PLB1: variants seen among roughly 807,000 people sequenced by gnomAD.
PLB1 encodes the protein phospholipase B1, membrane-associated.
In PLB1, 242 loss-of-function variants were observed where a neutral mutation model predicts 227.4. That is an observed-to-expected ratio of 1.06 (90% confidence interval 0.96 to 1.18). The LOEUF (loss-of-function observed/expected upper bound fraction) is 1.18, where lower values mean the gene tolerates loss of function less well. PLB1 is among the 50% of genes most tolerant of loss of function. PLB1 has a pLI of 0.00. For missense variants in PLB1, 1,858 were observed against 1,816.3 expected (o/e 1.02, Z -0.42); for synonymous variants, 757 against 682.2 (o/e 1.11, Z -1.71).
At chr2:28,603,645 C>G (rs1189930169) in intron 39 of PLB1, among the ~76,000 whole-genome samples, 5 of 152,228 alleles carry the variant, frequency 3.3e-5, no homozygotes, top group African/African-American at 2.4e-5. Flanking sequence ...TTTAATTAAA[C>G]ACTAAATTTT....
At chr2:28,546,563 T>C (rs2148215947) in intron 14 of PLB1, among the ~76,000 whole-genome samples, 1 of 152,188 alleles carries the variant, frequency 6.6e-6, no homozygotes, top group Middle Eastern at 3.4e-3. Context: ...CATGTGCATT[T>C]ATGGGACCCA....
Position 28,604,674 on chromosome 2 carries a change from TG to T in PLB1, c.2880del (p.Ser961GlnfsTer72). On this transcript the variant is annotated frameshift_variant, in exon 41 of 58. Transcript: ENST00000327757. LOFTEE classifies it high-confidence loss of function. The stretch of plus-strand genomic sequence containing the variant: ...CCCCAGAGCAGCATGCGCGAGCTGG[TG>T]GGGTCAGGCCGCTATGACACGCAGG... ...RAYRSSMRELVGSGRYDTQED... is the reference protein window; with the variant it reads ...RAYRSSMRELXGSGRYDTQED... 1 of 1,614,064 alleles carries T rather than the reference TG, an allele frequency of 6.2e-7. No homozygotes were observed. The highest frequency in any genetic ancestry group is 8.5e-7 in the Non-Finnish European group (1 of 1,179,978).
chr2:28,583,909 G>A (rs1680480020), intron 25 of PLB1, among the ~76,000 whole-genome samples: 1 of 151,936 alleles, frequency 6.6e-6, no homozygotes, highest in African/African-American at 2.4e-5. Context: ...AGATAAGGGA[G>A]ACCCAGCCTG....
At chr2:28,553,747 G>A (rs1674595749) in intron 17 of PLB1, among the ~76,000 whole-genome samples, 1 of 152,188 alleles carries the variant, frequency 6.6e-6, no homozygotes, top group Non-Finnish European at 1.5e-5. Flanking sequence ...TTACTCATTT[G>A]TGTGTTAGAG....
intron 34 of PLB1, 132 bp downstream of exon 34, chr2:28,598,180 A>G: frequency 1.3e-6 from 1 of 762,226 alleles, no homozygotes; most frequent in Non-Finnish European, 2.1e-6. Flanking sequence ...AGGAGACAGG[A>G]GGCTATGAAA....
rs781284546 is a variant in PLB1 at position 28,642,844 on chromosome 2, C to A, written c.4174-14C>A. The stretch of plus-strand genomic sequence containing the variant: ...CGGAGATCCTTTCCACTGACCCCCG[C>A]TCCTCCTCCACAGGAGAGCCCTTAC... On this transcript the variant is annotated splice_polypyrimidine_tract_variant and intron_variant, in intron 57 of 57. Transcript: ENST00000327757. 4 of 1,572,576 alleles carry A rather than the reference C, an allele frequency of 2.5e-6. No homozygotes were observed. In the South Asian group the frequency reaches 4.6e-5, roughly 18 times the overall value.
In PLB1 at chr2:28,600,875, C is replaced by T; in HGVS notation, c.2526+15C>T. 6.2e-7 allele frequency: 1 copy of T among 1,601,462 alleles called. No homozygotes were observed. Among genetic ancestry groups the T allele is most frequent in the Non-Finnish European group, 8.6e-7 (1 of 1,168,802 alleles). On this transcript the variant is annotated intron_variant, in intron 36 of 57. Coordinates refer to ENST00000327757, the MANE Select transcript of PLB1 (RefSeq NM_153021.5). ...AAGATGATCATGTGAGTCAGATTTACTGTTATTTCTAAACATTAATTTTCT... is the reference window on the plus strand; with the variant it reads ...AAGATGATCATGTGAGTCAGATTTATTGTTATTTCTAAACATTAATTTTCT...
intron 17 of PLB1, among the ~76,000 whole-genome samples, chr2:28,555,623 T>G (rs1008421157): frequency 3.3e-5 from 5 of 152,348 alleles, no homozygotes; most frequent in African/African-American, 1.2e-4. Context: ...GATATATGTC[T>G]TATAAGAGGA....
intron 22 of PLB1, among the ~76,000 whole-genome samples, chr2:28,579,101 G>C (rs1679482671): frequency 6.6e-6 from 1 of 152,166 alleles, no homozygotes; most frequent in Non-Finnish European, 1.5e-5. Flanking sequence ...GCTTAGAGCT[G>C]CCACCTTACC....
In PLB1 at chr2:28,540,452, C is replaced by T; in HGVS notation, c.774+11C>T. 6.2e-7 allele frequency: 1 copy of T among 1,612,886 alleles called. No homozygotes were observed. Among genetic ancestry groups the T allele is most frequent in the Non-Finnish European group, 8.5e-7 (1 of 1,179,270 alleles). ...CAGTGGTCTTATCAGGTGAGCCCAA[C>T]CTGGGATCCCAAGCTGCTGGCTCAC... On this transcript the variant is annotated intron_variant, in intron 12 of 57. Coordinates refer to ENST00000327757, the MANE Select transcript of PLB1 (RefSeq NM_153021.5).
chr2:28,559,139 C>G (rs573260684), intron 17 of PLB1, among the ~76,000 whole-genome samples: 3 of 152,366 alleles, frequency 2.0e-5, no homozygotes, highest in Admixed American at 2.0e-4. Context: ...CCAGGTTTTT[C>G]AGGTCCAAGC....
At chr2:28,519,888 C>G (rs1446152637) in intron 4 of PLB1, 125 bp downstream of exon 4, 4 of 488,786 alleles carry the variant, frequency 8.2e-6, no homozygotes, top group Admixed American at 3.2e-5. Context: ...CTAGATAAAT[C>G]CAGGAGGTTG....
intron 44 of PLB1, among the ~76,000 whole-genome samples, chr2:28,614,345 T>C (rs1474808108): frequency 6.6e-6 from 1 of 152,184 alleles, no homozygotes; most frequent in African/African-American, 2.4e-5. Flanking sequence ...TTCTTTGACC[T>C]TGGCAATCCT....
chr2:28,552,113 T>C (rs914625004), intron 16 of PLB1, among the ~76,000 whole-genome samples: 1 of 152,204 alleles, frequency 6.6e-6, no homozygotes, highest in Admixed American at 6.5e-5. Flanking sequence ...GGTACTATAA[T>C]AGGTACTGTA....
chr2:28,504,784 A>G (rs1667472093), intron 1 of PLB1, among the ~76,000 whole-genome samples: 1 of 152,166 alleles, frequency 6.6e-6, no homozygotes, highest in African/African-American at 2.4e-5. Context: ...ATTCATTTTG[A>G]AATTTTACAA....
intron 1 of PLB1, among the ~76,000 whole-genome samples, chr2:28,513,098 ATCTGTTG>A (rs1367129477): frequency 6.6e-6 from 1 of 152,014 alleles, no homozygotes; most frequent in African/African-American, 2.4e-5. Flanking sequence ...CTTTTCACTA[ATCTGTTG>A]TCTGTTGTGT....
At position 28,643,080 on chromosome 2, in the gene PLB1, AC is replaced by A. The variant is rs1690150214; in HGVS notation, c.*22del. 6.4e-7 allele frequency: 1 copy of A among 1,571,266 alleles called. No homozygotes were observed. The highest frequency in any genetic ancestry group is 8.6e-7 in the Non-Finnish European group (1 of 1,157,518). On this transcript the variant is annotated 3_prime_UTR_variant, in exon 58 of 58. Transcript: ENST00000327757. Reference sequence around the variant, plus strand: ...CCTCTAGGCCCGGGGGTGGGTCCTCACCCTAAACTCCCTATAGCCACTCTCT... The same window carrying A: ...CCTCTAGGCCCGGGGGTGGGTCCTCACCTAAACTCCCTATAGCCACTCTCT...
At chr2:28,583,051 C>G (rs1421003353) in intron 25 of PLB1, among the ~76,000 whole-genome samples, 1 of 152,156 alleles carries the variant, frequency 6.6e-6, no homozygotes, top group African/African-American at 2.4e-5. Context: ...GTAGAGAACC[C>G]TGGTCCTGAG....
Position 28,602,893 on chromosome 2 carries a change from C to A in PLB1, c.2746C>A (p.Pro916Thr). ...CATGCGGCAGGTGTTCCTGGGAAAC[C>A]CAGACAAGTGCCCAGTGCAGCAGGC... ...TIMRQVFLGN[P>T]DKCPVQQASV... The change falls in exon 39 of 58, where the codon CCA becomes ACA. Residue 916 changes from proline (P) to threonine (T), a missense_variant. Physicochemically the swap from Pro to Thr is conservative, Grantham distance 38 (BLOSUM62 -1). Coordinates refer to ENST00000327757, the MANE Select transcript of PLB1 (RefSeq NM_153021.5). 1 of 1,614,152 alleles carries A rather than the reference C, an allele frequency of 6.2e-7. No individual in the cohort carries two copies. The highest frequency in any genetic ancestry group is 8.5e-7 in the Non-Finnish European group (1 of 1,179,992).
Sources: gnomAD v4.1 joint callset for allele counts (sites outside exome capture counted in the v4.1 genomes callset) on GRCh38, gnomAD v4.1.1 for gene constraint, MANE v1.5 for transcripts, NCBI Gene and HGNC (gene_info 2026-07-23, HGNC 2026-07-21) for gene names.